The following DPYSL2 variants were observed in gnomAD, a reference collection of about 807,000 sequenced individuals.
DPYSL2 encodes the protein dihydropyrimidinase-related protein 2.
A neutral mutation model predicts 69.9 loss-of-function variants in DPYSL2; 13 were observed. The ratio of observed to expected loss-of-function variants is 0.19; its 90% confidence interval spans 0.12 to 0.30. The LOEUF is 0.30. Among genes scored for constraint, DPYSL2 ranks in the 10% least tolerant of loss-of-function variants. The pLI is 1.00. For missense variants in DPYSL2, 587 were observed against 918.9 expected (o/e 0.64, Z 4.67); for synonymous variants, 326 against 359.1 (o/e 0.91, Z 1.04).
chr8:26,515,266 C>G (rs564736921), intron 1 of DPYSL2, among the ~76,000 whole-genome samples: 4 of 152,138 alleles, frequency 2.6e-5, no homozygotes, highest in Non-Finnish European at 4.4e-5. Context: ...CTGCTCGCAG[C>G]GTGAGAAGAG....
intron 1 of DPYSL2, among the ~76,000 whole-genome samples, chr8:26,547,065 A>G (rs887877526): frequency 6.6e-6 from 1 of 151,972 alleles, no homozygotes; most frequent in Non-Finnish European, 1.5e-5. Flanking sequence ...CATACACAGA[A>G]TCAAAGCTTA....
rs111649143 is a variant in DPYSL2, at chr8:26,647,911, G to A, written c.1596+111G>A. 6.2e-6 allele frequency: 8 copies of A among 1,285,846 alleles called. No individual in the cohort carries two copies. Among genetic ancestry groups the A allele is most frequent in the East Asian group, 5.1e-5 (2 of 39,298 alleles). 79.7% of individuals were successfully genotyped at this position (1,285,846 alleles called of 1,614,324 possible). On this transcript the variant is annotated intron_variant, in intron 11 of 13. Transcript: ENST00000521913. This position sits in a 1 kb window ranked among gnomAD's most constrained non-coding sequence, Gnocchi z 5.1. ...AAAGAACTTGCTGTGATGGGAATGC[G>A]CTCGACTGAGGATGTTATGATTTGC...
chr8:26,627,899 A>G lies in DPYSL2; in HGVS notation c.964A>G (p.Ile322Val), dbSNP rs1802656568. The G allele has an allele frequency of 5.0e-6, 8 of 1,614,002 alleles. No homozygotes were observed. The highest frequency in any genetic ancestry group is 6.8e-6 in the Non-Finnish European group (8 of 1,180,034). ...GCAGCAGAGGATCCTGGATCTGGGCATCACGGGCCCCGAGGGACATGTGCT... is the reference window on the plus strand; with the variant it reads ...GCAGCAGAGGATCCTGGATCTGGGCGTCACGGGCCCCGAGGGACATGTGCT... ...EEQQRILDLGITGPEGHVLSR... is the reference protein window; with the variant it reads ...EEQQRILDLGVTGPEGHVLSR... The change falls in exon 7 of 14, where the codon ATC becomes GTC. Residue 322 changes from isoleucine (I) to valine (V), a missense_variant. Around this residue, in one of 3 missense-constraint regions of DPYSL2, gnomAD observed 452 missense variants for 754.3 expected, o/e 0.60. Coordinates refer to ENST00000521913, the MANE Select transcript of DPYSL2 (RefSeq NM_001197293.3). This position sits in a 1 kb window ranked among gnomAD's most constrained non-coding sequence, Gnocchi z 6.9.
At chr8:26,575,949 A>G (rs890250671) in intron 1 of DPYSL2, among the ~76,000 whole-genome samples, 1 of 152,190 alleles carries the variant, frequency 6.6e-6, no homozygotes, top group Non-Finnish European at 1.5e-5. Flanking sequence ...GAGAGAGGCC[A>G]AGTAGAAAGG....
intron 1 of DPYSL2, chr8:26,578,145 A>G: frequency 6.3e-7 from 1 of 1,588,206 alleles, no homozygotes; most frequent in Non-Finnish European, 8.5e-7. Context: ...CACCCTTTTC[A>G]ATCTTGCAAA....
chr8:26,620,690 A>G lies in DPYSL2; in HGVS notation c.629-3453A>G, dbSNP rs530057828. On this transcript the variant is annotated intron_variant, in intron 3 of 13. Transcript: ENST00000521913. This position sits in a 1 kb window ranked among gnomAD's most constrained non-coding sequence, Gnocchi z 4.5. Reference sequence around the variant, plus strand: ...TATTTTTTAAAGTCATCATGAATCAATAGAAGGAAAGGATTATTCAGTAAC... The same window carrying G: ...TATTTTTTAAAGTCATCATGAATCAGTAGAAGGAAAGGATTATTCAGTAAC... 6.6e-6 allele frequency among the ~76,000 whole-genome samples: 1 copy of G among 152,326 alleles called. No individual in the cohort carries two copies. The highest frequency in any genetic ancestry group is 1.9e-4 in the East Asian group (1 of 5,190).
At chr8:26,612,765 A>G (rs185416503) in intron 3 of DPYSL2, among the ~76,000 whole-genome samples, 40 of 152,350 alleles carry the variant, frequency 2.6e-4, no homozygotes, top group African/African-American at 8.7e-4. Context: ...TGGATCGTTG[A>G]GGTGACTGCT....
At chr8:26,629,110 T>A (rs1047206386) in intron 7 of DPYSL2, among the ~76,000 whole-genome samples, 19 of 152,184 alleles carry the variant, frequency 1.2e-4, no homozygotes, top group Non-Finnish European at 2.2e-4. Context: ...CCACTCGGAA[T>A]GCTTTGCACA....
chr8:26,627,526 C>T lies in DPYSL2; in HGVS notation c.936+231C>T, dbSNP rs540903959. 2.6e-4 allele frequency among the ~76,000 whole-genome samples: 40 copies of T among 152,222 alleles called. 1 individual carries two copies. The South Asian group carries it at 6.0e-3, about 23-fold the overall frequency. The stretch of plus-strand genomic sequence containing the variant: ...GTCAGTTACTATTGCAGAGAGAGGC[C>T]ATTTCTCTCGGTGCTGTAACGCAGC... On this transcript the variant is annotated intron_variant, in intron 6 of 13. Coordinates refer to ENST00000521913, the MANE Select transcript of DPYSL2 (RefSeq NM_001197293.3). The surrounding 1 kb of genome is among the most constrained non-coding windows in gnomAD (Gnocchi z 6.9).
At chr8:26,566,008 C>T (rs987599213) in intron 1 of DPYSL2, among the ~76,000 whole-genome samples, 3 of 152,202 alleles carry the variant, frequency 2.0e-5, no homozygotes, top group African/African-American at 7.2e-5. Flanking sequence ...GTTGTGTGTC[C>T]TAGAAGAAGA....
rs143811544 is a variant in DPYSL2, at chr8:26,567,280, C to CCCATCCAT, written c.355-14681_355-14674dup. Among the ~76,000 whole-genome samples the CCCATCCAT allele has an allele frequency of 2.7e-4, 41 of 149,268 alleles. 1 individual carries two copies. The highest frequency in any genetic ancestry group is 3.6e-4 in the Non-Finnish European group (24 of 67,282). On this transcript the variant is annotated intron_variant, in intron 1 of 13. Transcript: ENST00000521913. The stretch of plus-strand genomic sequence containing the variant: ...CACCACCCATTCATTTATCCACCTA[C>CCCATCCAT]CCATCCATCCATCCACCCACCACAC...
chr8:26,646,382 A>G (rs1413289628), intron 10 of DPYSL2, among the ~76,000 whole-genome samples: 1 of 152,192 alleles, frequency 6.6e-6, no homozygotes, highest in African/African-American at 2.4e-5. Context: ...ATACGCCACC[A>G]CCAATATATG....
rs905384648 is a variant in DPYSL2, at chr8:26,567,149, C to T, written c.355-14820C>T. On this transcript the variant is annotated intron_variant, in intron 1 of 13. Transcript: ENST00000521913. ...CCATCCATACAAACATACATACATA[C>T]ATCTGCCCATCCATCCATCCATCCA... Among the ~76,000 whole-genome samples the T allele has an allele frequency of 2.6e-4, 38 of 148,958 alleles. 1 individual carries two copies. The highest frequency in any genetic ancestry group is 3.4e-4 in the Non-Finnish European group (23 of 66,726).
Position 26,587,937 on chromosome 8 carries a change from C to G in DPYSL2, c.628+3954C>G, listed in dbSNP as rs1180435565. ...CAGACACGACTTGCCAACACTTACC[C>G]TGTGCGTCGGTGCAGGTGGCCAGGT... is the stretch of plus-strand genomic sequence containing the variant. On this transcript the variant is annotated intron_variant, in intron 3 of 13. Coordinates refer to ENST00000521913, the MANE Select transcript of DPYSL2 (RefSeq NM_001197293.3). This position sits in a 1 kb window ranked among gnomAD's most constrained non-coding sequence, Gnocchi z 4.2. Among the ~76,000 whole-genome samples the G allele has an allele frequency of 2.0e-5, 3 of 152,188 alleles. No homozygotes were observed. Among genetic ancestry groups the G allele is most frequent in the African/African-American group, 7.2e-5 (3 of 41,452 alleles).
At chr8:26,577,132 G>A (rs1801365242) in intron 1 of DPYSL2, 1 of 445,368 alleles carries the variant, frequency 2.2e-6, no homozygotes, top group South Asian at 1.6e-5. Context: ...TCCCGGCTCG[G>A]AGTTGGAAGG....
rs765388130 is a variant in DPYSL2 at position 26,588,749 on chromosome 8, A to C, written c.628+4766A>C. Among the ~76,000 whole-genome samples, 1 of 152,044 alleles carries C rather than the reference A, an allele frequency of 6.6e-6. No homozygotes were observed. Among genetic ancestry groups the C allele is most frequent in the African/African-American group, 2.4e-5 (1 of 41,386 alleles). On this transcript the variant is annotated intron_variant, in intron 3 of 13. Coordinates refer to ENST00000521913, the MANE Select transcript of DPYSL2 (RefSeq NM_001197293.3). The surrounding 1 kb of genome is among the most constrained non-coding windows in gnomAD (Gnocchi z 5.4). ...GGATGTGCATCAGGCACCTCCATCC[A>C]ACTGTCCCCAGTTGGACTCCCTGTC... is the stretch of plus-strand genomic sequence containing the variant.
In DPYSL2 at chr8:26,642,815, C is replaced by T. The variant is rs573995236; in HGVS notation, c.1127-624C>T. 8.5e-5 allele frequency: 13 copies of T among 152,372 alleles called. No individual in the cohort carries two copies. The highest frequency in any genetic ancestry group is 3.1e-4 in the African/African-American group (13 of 41,568). 9.4% of individuals were successfully genotyped at this position (152,372 alleles called of 1,614,324 possible). ...CAGTGGCATAATGTCCAGTTTGTTTCTCTCTCACAGAGTCAGCTGTGAAGA... is the reference window on the plus strand; with the variant it reads ...CAGTGGCATAATGTCCAGTTTGTTTTTCTCTCACAGAGTCAGCTGTGAAGA... On this transcript the variant is annotated intron_variant, in intron 8 of 13. Coordinates refer to ENST00000521913, the MANE Select transcript of DPYSL2 (RefSeq NM_001197293.3). This position sits in a 1 kb window ranked among gnomAD's most constrained non-coding sequence, Gnocchi z 5.3.
At chr8:26,566,024 G>A (rs1442368143) in intron 1 of DPYSL2, among the ~76,000 whole-genome samples, 3 of 152,214 alleles carry the variant, frequency 2.0e-5, no homozygotes, top group Non-Finnish European at 2.9e-5. Flanking sequence ...GAAGAGGAGA[G>A]CCTGGATTTC....
At chr8:26,523,628 G>A (rs1808426882) in intron 1 of DPYSL2, among the ~76,000 whole-genome samples, 1 of 151,970 alleles carries the variant, frequency 6.6e-6, no homozygotes, top group Non-Finnish European at 1.5e-5. Context: ...GTTTGTTCAT[G>A]TTGTAGCATG....
Sources: gnomAD v4.1 joint callset for allele counts (sites outside exome capture counted in the v4.1 genomes callset) on GRCh38, gnomAD v4.1.1 for gene constraint, gnomAD v4.1.1 regional missense constraint, Gnocchi (gnomAD v3.1) non-coding constraint, MANE v1.5 for transcripts, NCBI Gene and HGNC (gene_info 2026-07-23, HGNC 2026-07-21) for gene names.